The following SFMBT2 variants were observed in gnomAD, a reference collection of about 807,000 sequenced individuals.
SFMBT2 encodes scm-like with four MBT domains protein 2.
SFMBT2 carries 38 observed loss-of-function variants against 110.1 expected under a neutral mutation model. That is an observed-to-expected ratio of 0.35 (90% confidence interval 0.27 to 0.45). The LOEUF is 0.45. Ranked by LOEUF, SFMBT2 falls within the 20% of genes least tolerant of loss-of-function variation. SFMBT2 has a pLI of 1.00. For missense variants in SFMBT2, 1,011 were observed against 1,094.9 expected (o/e 0.92, Z 1.08); for synonymous variants, 425 against 425.4 (o/e 1.00, Z 0.01).
chr10:7,245,531 C>A (rs1840576863), intron 8 of SFMBT2, among the ~76,000 whole-genome samples: 2 of 152,244 alleles, frequency 1.3e-5, no homozygotes, highest in South Asian at 4.1e-4. Flanking sequence ...GTCTGAAGCA[C>A]TGTTTTGTGC....
At position 7,371,526 on chromosome 10, in the gene SFMBT2, G is replaced by C. The variant is rs144983399; in HGVS notation, c.101-1151C>G. On this transcript the variant is annotated intron_variant, in intron 2 of 20. Transcript: ENST00000397167. ...TAAGGCTACATATACGATAAAACTT[G>C]TATAGCCAAAAAGCATCAAATAATG... 4.9e-3 allele frequency among the ~76,000 whole-genome samples: 748 copies of C among 152,268 alleles called. 9 individuals carry two copies. Among genetic ancestry groups the C allele is most frequent in the African/African-American group, 0.017 (715 of 41,540 alleles).
intron 20 of SFMBT2, among the ~76,000 whole-genome samples, chr10:7,167,898 G>T (rs1212176251): frequency 6.6e-6 from 1 of 152,120 alleles, no homozygotes; most frequent in Non-Finnish European, 1.5e-5. Flanking sequence ...CAATAGGGCA[G>T]AACTCTGTCT....
Position 7,185,612 on chromosome 10 carries a change from C to T in SFMBT2, c.1808+3012G>A, listed in dbSNP as rs540410512. Among the ~76,000 whole-genome samples, 24 of 152,298 alleles carry T rather than the reference C, an allele frequency of 1.6e-4. No individual in the cohort carries two copies. In the South Asian group the frequency reaches 4.8e-3, roughly 30 times the overall value. On this transcript the variant is annotated intron_variant, in intron 16 of 20. Coordinates refer to ENST00000397167, the MANE Select transcript of SFMBT2 (RefSeq NM_001387889.1). ...ATAAGTGACAGTGAGCTCTAACTCA[C>T]GTGAAATCCTACCAGGATATTTCCT...
At chr10:7,387,406 A>C (rs1206292808) in intron 1 of SFMBT2, among the ~76,000 whole-genome samples, 3 of 152,212 alleles carry the variant, frequency 2.0e-5, no homozygotes, top group Admixed American at 1.3e-4. Flanking sequence ...TATAAATACC[A>C]GTGGCTGCCA....
intron 7 of SFMBT2, among the ~76,000 whole-genome samples, chr10:7,263,343 G>C (rs546770063): frequency 6.6e-6 from 1 of 152,188 alleles, no homozygotes; most frequent in African/African-American, 2.4e-5. Context: ...CCGGGTTCAA[G>C]TGATTCTCCT....
intron 4 of SFMBT2, among the ~76,000 whole-genome samples, chr10:7,313,078 A>G (rs1449317813): frequency 6.6e-6 from 1 of 152,052 alleles, no homozygotes; most frequent in Non-Finnish European, 1.5e-5. Context: ...AGCATCCACC[A>G]CCTCCGTGCA....
chr10:7,260,239 C>A (rs61834629), intron 7 of SFMBT2, among the ~76,000 whole-genome samples: 2 of 151,960 alleles, frequency 1.3e-5, no homozygotes, highest in Non-Finnish European at 2.9e-5. Context: ...ATTAAAGGGC[C>A]TTCTCACACA....
rs1837552585 is a variant in SFMBT2 at position 7,161,615 on chromosome 10, CG to C, written c.*2154del. 6.6e-6 allele frequency: 1 copy of C among 152,074 alleles called. No individual in the cohort carries two copies. The highest frequency in any genetic ancestry group is 2.4e-5 in the African/African-American group (1 of 41,506). The allele number at this position is 152,074 out of a possible 1,614,324, so 9.4% of individuals were successfully genotyped here. On this transcript the variant is annotated 3_prime_UTR_variant, in exon 21 of 21. Coordinates refer to ENST00000397167, the MANE Select transcript of SFMBT2 (RefSeq NM_001387889.1). ...CCACAGATCCCAGAGACATTTCTGTCGGGGTACAACTGACACACTCCTCCCA... is the reference window on the plus strand; with the variant it reads ...CCACAGATCCCAGAGACATTTCTGTCGGGTACAACTGACACACTCCTCCCA...
intron 4 of SFMBT2, among the ~76,000 whole-genome samples, chr10:7,333,244 A>C (rs1434979595): frequency 1.3e-5 from 2 of 152,246 alleles, no homozygotes; most frequent in African/African-American, 4.8e-5. Context: ...ATAGAAGACT[A>C]GCACAAATAA....
intron 7 of SFMBT2, chr10:7,264,051 A>G: frequency 4.1e-6 from 1 of 244,256 alleles, no homozygotes; most frequent in East Asian, 1.8e-4. Flanking sequence ...CAGTGCTATG[A>G]GCAGCATGAA....
At chr10:7,265,301 A>G (rs144949101) in intron 7 of SFMBT2, among the ~76,000 whole-genome samples, 1,642 of 151,954 alleles carry the variant, frequency 0.011, 28 homozygotes, top group African/African-American at 0.037. Context: ...TCCCGGGTTC[A>G]AGTGATTCTC....
Position 7,264,036 on chromosome 10 carries a change from A to C in SFMBT2, c.870+12856T>G, listed in dbSNP as rs566067849. 1.7e-4 allele frequency: 42 copies of C among 244,222 alleles called. No homozygotes were observed. The Middle Eastern group carries it at 8.6e-3, about 50-fold the overall frequency. The allele number at this position is 244,222 out of a possible 1,614,324, so 15.1% of individuals were successfully genotyped here. A position where few individuals can be genotyped will look rare whatever the true frequency, so the allele number is the denominator to read the frequency against. ...ACTGAAAAAAAGCACTGGATGTGGA[A>C]TCTTCAGTGCTATGAGCAGCATGAA... On this transcript the variant is annotated intron_variant, in intron 7 of 20. Transcript: ENST00000397167.
chr10:7,225,128 C>T (rs545301891), intron 10 of SFMBT2, among the ~76,000 whole-genome samples: 1 of 152,260 alleles, frequency 6.6e-6, no homozygotes, highest in Admixed American at 6.5e-5. Context: ...ATCCCATCGG[C>T]CGCTTGAAAA....
At chr10:7,308,649 T>C (rs1842761771) in intron 4 of SFMBT2, among the ~76,000 whole-genome samples, 1 of 152,104 alleles carries the variant, frequency 6.6e-6, no homozygotes, top group African/African-American at 2.4e-5. Flanking sequence ...TAGTCCTGGC[T>C]CCCCTGCAGC....
chr10:7,384,517 G>A (rs903439215), intron 1 of SFMBT2, among the ~76,000 whole-genome samples: 19 of 149,296 alleles, frequency 1.3e-4, no homozygotes, highest in South Asian at 2.1e-4. Context: ...TGAAAATAAC[G>A]GTTTTTTAAT....
At chr10:7,195,374 C>T (rs145121685) in intron 15 of SFMBT2, among the ~76,000 whole-genome samples, 1 of 152,324 alleles carries the variant, frequency 6.6e-6, no homozygotes, top group Non-Finnish European at 1.5e-5. Context: ...CCAACTCAAT[C>T]ACCCTTTCTC....
At chr10:7,300,639 G>T (rs946757437) in intron 4 of SFMBT2, among the ~76,000 whole-genome samples, 2 of 152,126 alleles carry the variant, frequency 1.3e-5, no homozygotes, top group Non-Finnish European at 2.9e-5. Flanking sequence ...TACCGCTTCT[G>T]ACAGCCCACT....
intron 5 of SFMBT2, chr10:7,284,555 T>C (rs1047143600): frequency 5.3e-6 from 2 of 380,476 alleles, no homozygotes; most frequent in Non-Finnish European, 7.4e-6. Flanking sequence ...ATAATTCTAA[T>C]ACAGAGCATT....
At chr10:7,166,630 G>A (rs1455001919) in intron 20 of SFMBT2, among the ~76,000 whole-genome samples, 1 of 152,168 alleles carries the variant, frequency 6.6e-6, no homozygotes, top group Non-Finnish European at 1.5e-5. Context: ...CAGACTATTA[G>A]GATACAGGGA....
Sources: allele counts gnomAD v4.1 joint callset (sites outside exome capture counted in the v4.1 genomes callset), GRCh38; gene constraint gnomAD v4.1.1; transcripts MANE v1.5; gene names NCBI Gene and HGNC (gene_info 2026-07-23, HGNC 2026-07-21).